The following EPHA4 variants were observed in gnomAD, a reference collection of about 807,000 sequenced individuals.
EPHA4 encodes the protein ephrin type-A receptor 4.
Under a neutral mutation model 108.3 loss-of-function variants are expected in EPHA4, and 19 were observed. The observed-to-expected ratio is 0.18, with a 90% CI of 0.12 to 0.26. The LOEUF (loss-of-function observed/expected upper bound fraction) is 0.26. EPHA4 is among the 10% of genes least tolerant of loss of function. The probability of loss-of-function intolerance (pLI) is 1.00; values close to 1 mark genes in which losing one functional copy is unlikely to be tolerated. For missense variants in EPHA4, 917 were observed against 1,254.0 expected, an observed-to-expected ratio of 0.73 and a Z score of 4.06; for synonymous variants, 449 against 455.5, an observed-to-expected ratio of 0.99 and a Z score of 0.18.
chr2:221,430,462 C>G (rs999650259), intron 14 of EPHA4, among the ~76,000 whole-genome samples: 1 of 152,128 alleles, frequency 6.6e-6, no homozygotes, highest in South Asian at 2.1e-4. Context: ...TGGCCCTGCC[C>G]CCTGCCCCCT....
At chr2:221,427,925 A>G (rs1689960704) in intron 15 of EPHA4, among the ~76,000 whole-genome samples, 1 of 152,156 alleles carries the variant, frequency 6.6e-6, no homozygotes, top group African/African-American at 2.4e-5. Context: ...TTTGTGTCCA[A>G]ATAATACCTT....
At chr2:221,499,754 ATATTTTTT>A (rs1317081844) in intron 4 of EPHA4, among the ~76,000 whole-genome samples, 18 of 34,844 alleles carry the variant, frequency 5.2e-4, no homozygotes, top group African/African-American at 2.2e-3. Flanking sequence ...ATATATATAT[ATATTTTTT>A]TTTTTTTTTT....
intron 3 of EPHA4, among the ~76,000 whole-genome samples, chr2:221,553,760 T>C (rs1296173192): frequency 6.6e-6 from 1 of 152,210 alleles, no homozygotes; most frequent in Non-Finnish European, 1.5e-5. Context: ...CTGAACAGTA[T>C]GAAAAAAATC....
At chr2:221,540,211 C>T (rs768988278) in intron 3 of EPHA4, among the ~76,000 whole-genome samples, 5 of 152,178 alleles carry the variant, frequency 3.3e-5, no homozygotes, top group African/African-American at 7.2e-5. Flanking sequence ...GGAGCCACCG[C>T]GCCCAGCCCA....
intron 5 of EPHA4, 66 bp downstream of exon 5, chr2:221,482,286 T>G (rs1022495230): frequency 1.5e-6 from 2 of 1,341,546 alleles, no homozygotes; most frequent in Non-Finnish European, 2.0e-6. Flanking sequence ...TTTATTATAA[T>G]TCATTATTTT....
chr2:221,492,349 AG>A (rs1447159665), intron 4 of EPHA4, among the ~76,000 whole-genome samples: 2 of 152,196 alleles, frequency 1.3e-5, no homozygotes, highest in Admixed American at 1.3e-4. Context: ...GAAAAAAAAG[AG>A]GAAGCTAAAA....
intron 3 of EPHA4, among the ~76,000 whole-genome samples, chr2:221,545,221 GCGGA>G: frequency 4.4e-5 from 1 of 22,798 alleles, no homozygotes; most frequent in East Asian, 4.7e-4. Context: ...ACCGAGGTGG[GCGGA>G]TCACGAGGTC....
chr2:221,436,443 A>G lies in EPHA4; in HGVS notation c.2302T>C (p.Ser768Pro). 1.2e-6 allele frequency: 2 copies of G among 1,614,178 alleles called. No individual in the cohort carries two copies. The highest frequency in any genetic ancestry group is 1.7e-6 in the Non-Finnish European group (2 of 1,180,024). Residue 768 changes from serine to proline, a missense_variant, in exon 13 of 18, where the codon TCC (serine) becomes CCC (proline). Coordinates refer to ENST00000281821, the MANE Select transcript of EPHA4 (RefSeq NM_004438.5). ...TCCGGATCATCCTCAAGCACTCGGG[A>G]CATGCCAAAATCAGACACTTTGCAG... ...LVCKVSDFGM[S>P]RVLEDDPEAA... is the part of the protein sequence containing the mutation.
chr2:221,464,726 A>G (rs866165188), intron 5 of EPHA4, among the ~76,000 whole-genome samples: 1 of 151,876 alleles, frequency 6.6e-6, no homozygotes, highest in Non-Finnish European at 1.5e-5. Context: ...ATCCCCAACC[A>G]CCCTCGCTGG....
At chr2:221,490,271 A>C (rs938290816) in intron 4 of EPHA4, among the ~76,000 whole-genome samples, 3 of 151,430 alleles carry the variant, frequency 2.0e-5, no homozygotes, top group African/African-American at 7.3e-5. Context: ...AAAAAAAAAA[A>C]GAAAAGAAAG....
At position 221,426,107 on chromosome 2, in the gene EPHA4, T is replaced by A; in HGVS notation, c.2882A>T (p.His961Leu). 1 of 1,614,114 alleles carries A rather than the reference T, an allele frequency of 6.2e-7. No individual in the cohort carries two copies. Among genetic ancestry groups the A allele is most frequent in the Non-Finnish European group, 8.5e-7 (1 of 1,180,020 alleles). Reference protein sequence around the residue: ...LARIGITAITHQNKILSSVQA... With the variant: ...LARIGITAITLQNKILSSVQA... ...GACACTGCTCAAAATCTTATTCTGG[T>A]GCGTGATGGCTGTGATACCAATTCT... is the stretch of plus-strand genomic sequence containing the variant. Residue 961 changes from histidine (H) to leucine (L), a missense_variant, in exon 17 of 18, where the codon CAC becomes CTC. By Grantham distance (99) the His-to-Leu change is moderately conservative (BLOSUM62 -3). Transcript: ENST00000281821.
rs1691181536 is a variant in EPHA4, at chr2:221,462,554, G to GATATCA, written c.1319-4570_1319-4565dup. Among the ~76,000 whole-genome samples, 6 of 152,216 alleles carry GATATCA rather than the reference G, an allele frequency of 3.9e-5. No individual in the cohort carries two copies. In the South Asian group the frequency reaches 1.2e-3, roughly 32 times the overall value. On this transcript the variant is annotated intron_variant, in intron 5 of 17. Coordinates refer to ENST00000281821, the MANE Select transcript of EPHA4 (RefSeq NM_004438.5). ...ATTTATCTAAAAAATCTTTACTGTA[G>GATATCA]ATATCAAACATTTTCTAAACATAAA...
intron 5 of EPHA4, among the ~76,000 whole-genome samples, chr2:221,480,194 A>G (rs948309351): frequency 3.3e-5 from 5 of 152,094 alleles, no homozygotes; most frequent in South Asian, 2.1e-4. Context: ...ACAGGGGGTC[A>G]TAGAAGTCTC....
intron 3 of EPHA4, among the ~76,000 whole-genome samples, chr2:221,534,058 T>G (rs573802322): frequency 6.6e-6 from 1 of 152,330 alleles, no homozygotes; most frequent in Non-Finnish European, 1.5e-5. Context: ...TAATTCATAT[T>G]TAATCTGTTG....
Position 221,436,572 on chromosome 2 carries a change from C to T in EPHA4, c.2173G>A (p.Gly725Ser). 1 of 1,614,158 alleles carries T rather than the reference C, an allele frequency of 6.2e-7. No homozygotes were observed. Among genetic ancestry groups the T allele is most frequent in the Non-Finnish European group, 8.5e-7 (1 of 1,180,028 alleles). ...DGRFTVIQLV[G>S]MLRGIGSGMK... The stretch of plus-strand genomic sequence containing the variant: ...CCAGACCCAATGCCACGAAGCATGC[C>T]CACCAGCTGAATGACTGTAAATCTG... Residue 725 changes from glycine (G) to serine (S), a missense_variant, in exon 13 of 18, where the codon GGC (glycine) becomes AGC (serine). This residue lies in a region of EPHA4 where 758 missense variants were observed against 1,076.7 expected (regional missense o/e 0.70). Coordinates refer to ENST00000281821, the MANE Select transcript of EPHA4 (RefSeq NM_004438.5).
intron 6 of EPHA4, among the ~76,000 whole-genome samples, chr2:221,457,320 A>T (rs957454291): frequency 1.3e-5 from 2 of 152,206 alleles, no homozygotes; most frequent in Non-Finnish European, 2.9e-5. Context: ...GAGACAAGTT[A>T]TTTGTAAAAA....
In EPHA4 at chr2:221,529,221, A is replaced by C. The variant is rs574668624; in HGVS notation, c.824-28049T>G. The stretch of plus-strand genomic sequence containing the variant: ...GATTTCAGAAATGTTCAGTAGTGAA[A>C]GCACTGAAAAATTCCAGGTCTCCAC... On this transcript the variant is annotated intron_variant, in intron 3 of 17. Transcript: ENST00000281821. Among the ~76,000 whole-genome samples the C allele has an allele frequency of 2.6e-5, 4 of 152,328 alleles. No homozygotes were observed. In the South Asian group the frequency reaches 8.3e-4, roughly 32 times the overall value.
intron 3 of EPHA4, chr2:221,532,951 C>G (rs1406944208): frequency 2.0e-5 from 3 of 152,256 alleles, no homozygotes; most frequent in Non-Finnish European, 4.4e-5. Flanking sequence ...AATTGGCAGA[C>G]TTGGCCTTCT....
chr2:221,514,827 G>C (rs767040399), intron 3 of EPHA4, among the ~76,000 whole-genome samples: 3 of 152,148 alleles, frequency 2.0e-5, no homozygotes, highest in Admixed American at 6.5e-5. Context: ...GGTCATGAGA[G>C]AAGAAAAAGT....
Sources: gnomAD v4.1 joint callset for allele counts (sites outside exome capture counted in the v4.1 genomes callset) on GRCh38, gnomAD v4.1.1 for gene constraint, gnomAD v4.1.1 regional missense constraint, MANE v1.5 for transcripts, NCBI Gene and HGNC (gene_info 2026-07-23, HGNC 2026-07-21) for gene names.